CPSF3: variants seen among roughly 807,000 people sequenced by gnomAD.
The protein encoded by CPSF3 is cleavage and polyadenylation specific factor 3, also known as cleavage and polyadenylation specificity factor subunit 3.
In CPSF3, 57 loss-of-function variants were observed where a neutral mutation model predicts 84.1. The observed-to-expected ratio is 0.68, with a 90% CI of 0.55 to 0.85. The LOEUF is 0.85. CPSF3 is among the 40% of genes least tolerant of loss of function. The pLI is 0.00. For synonymous variants in CPSF3, 275 were observed against 278.1 expected, an observed-to-expected ratio of 0.99 and a Z score of 0.11; for missense variants, 522 against 838.8, an observed-to-expected ratio of 0.62 and a Z score of 4.66.
chr2:9,443,134 C>G (rs1200045600), intron 9 of CPSF3, among the ~76,000 whole-genome samples: 1 of 152,102 alleles, frequency 6.6e-6, no homozygotes, highest in African/African-American at 2.4e-5. Context: ...TGCATTTCAG[C>G]CTGGGTGACA....
intron 10 of CPSF3, among the ~76,000 whole-genome samples, chr2:9,446,865 G>T (rs1038323728): frequency 1.3e-5 from 2 of 152,224 alleles, no homozygotes; most frequent in Admixed American, 1.3e-4. Flanking sequence ...TCCATTTGGG[G>T]CTGAGCACAG....
At chr2:9,426,859 T>C (rs1456640496) in intron 1 of CPSF3, among the ~76,000 whole-genome samples, 3 of 123,038 alleles carry the variant, frequency 2.4e-5, no homozygotes, top group African/African-American at 6.8e-5. Context: ...CTGGGCAACA[T>C]AGGGGGACCT....
At chr2:9,429,031 G>A (rs1223381521) in intron 2 of CPSF3, among the ~76,000 whole-genome samples, 2 of 152,234 alleles carry the variant, frequency 1.3e-5, no homozygotes, top group African/African-American at 4.8e-5. Flanking sequence ...TTCTATGACT[G>A]TAAAATTGTC....
At chr2:9,429,901 T>C (rs201847903) in intron 2 of CPSF3, 22 bp from the exon 3 acceptor site, 3 of 1,485,684 alleles carry the variant, frequency 2.0e-6, no homozygotes, top group Non-Finnish European at 9.3e-7. Context: ...GAGATTGTGA[T>C]CTCTTTTCCT....
intron 1 of CPSF3, among the ~76,000 whole-genome samples, chr2:9,425,706 T>G (rs1217454864): frequency 6.6e-6 from 1 of 151,928 alleles, no homozygotes; most frequent in Non-Finnish European, 1.5e-5. Context: ...GGAGTAAATT[T>G]GGGAATTTGG....
At chr2:9,466,224 ACACACACACGTG>A (rs1558465985) in intron 15 of CPSF3, among the ~76,000 whole-genome samples, 6 of 147,250 alleles carry the variant, frequency 4.1e-5, no homozygotes, top group Admixed American at 6.8e-5. Flanking sequence ...ACACGCACGC[ACACACACACGTG>A]CGCGCACGCA....
Position 9,467,772 on chromosome 2 carries a change from C to G in CPSF3, c.1852C>G (p.Leu618Val). ...TTACAGCAAGAGGTTGGAGATCATG[C>G]TCCAGTAAGTTTTTCACCCATTATT... ...HVYSKRLEIMLQDIFGEDCVS... is the reference protein window; with the variant it reads ...HVYSKRLEIMVQDIFGEDCVS... The change falls in exon 16 of 18, where the codon CTC (leucine) becomes GTC (valine). Residue 618 changes from leucine to valine, a missense_variant. Around this residue, in one of 2 missense-constraint regions of CPSF3, gnomAD observed 193 missense variants for 231.6 expected, o/e 0.83. Transcript: ENST00000238112. 6.2e-7 allele frequency: 1 copy of G among 1,611,494 alleles called. No individual in the cohort carries two copies.
At chr2:9,466,016 C>T (rs951466522) in intron 15 of CPSF3, among the ~76,000 whole-genome samples, 2 of 152,118 alleles carry the variant, frequency 1.3e-5, no homozygotes, top group African/African-American at 4.8e-5. Context: ...CAGAGTTGTA[C>T]AACCATCACC....
intron 16 of CPSF3, 122 bp from the exon 17 acceptor site, chr2:9,471,221 A>T: frequency 1.6e-6 from 1 of 614,424 alleles, no homozygotes; most frequent in Non-Finnish European, 2.9e-6. Context: ...CTCAAAAAAA[A>T]AAAGAAAAAA....
chr2:9,463,082 C>T (rs1024668042), intron 15 of CPSF3, among the ~76,000 whole-genome samples: 1 of 152,222 alleles, frequency 6.6e-6, no homozygotes, highest in Non-Finnish European at 1.5e-5. Context: ...ACAAAGCAAA[C>T]AGATCTGCCC....
At position 9,455,701 on chromosome 2, in the gene CPSF3, C is replaced by T. The variant is rs1272921681; in HGVS notation, c.1547C>T (p.Ala516Val). 19 of 1,613,966 alleles carry T rather than the reference C, an allele frequency of 1.2e-5. No individual in the cohort carries two copies. The highest frequency in any genetic ancestry group is 1.4e-5 in the Non-Finnish European group (17 of 1,179,976). ...ATGAGCACGGTGAAGCAGACCCAAG[C>T]CATTCCATATACTGGTCCCTTTAAT... ...LAMSTVKQTQ[A>V]IPYTGPFNLL... Residue 516 changes from alanine to valine, a missense_variant, in exon 13 of 18, where the codon GCC becomes GTC. Transcript: ENST00000238112.
Position 9,467,895 on chromosome 2 carries a change from T to C in CPSF3, c.1856+119T>C. ...GGCTCTGGCCAGGCCACTGCCATGC[T>C]CGGAGGCCTGCTTCTCTGTTAGGAA... On this transcript the variant is annotated intron_variant, in intron 16 of 17. Coordinates refer to ENST00000238112, the MANE Select transcript of CPSF3 (RefSeq NM_016207.4). 6.8e-6 allele frequency: 5 copies of C among 730,368 alleles called. 1 individual carries two copies. In the South Asian group the frequency reaches 8.4e-5, roughly 12 times the overall value. 45.2% of individuals were successfully genotyped at this position (730,368 alleles called of 1,614,324 possible). A position where few individuals can be genotyped will look rare whatever the true frequency, so the allele number is the denominator to read the frequency against.
chr2:9,453,096 C>T (rs1681395065), intron 12 of CPSF3, 75 bp downstream of exon 12: 1 of 887,272 alleles, frequency 1.1e-6, no homozygotes, highest in Non-Finnish European at 1.7e-6. Context: ...TTCTCTTCAC[C>T]TTGTGGCCTA....
Position 9,440,614 on chromosome 2 carries a change from A to G in CPSF3, c.884A>G (p.Lys295Arg). The G allele has an allele frequency of 6.2e-7, 1 of 1,614,224 alleles. No individual in the cohort carries two copies. Among genetic ancestry groups the G allele is most frequent in the Non-Finnish European group, 8.5e-7 (1 of 1,180,038 alleles). Residue 295 changes from lysine (K) to arginine (R), a missense_variant, in exon 8 of 18, where the codon AAA (lysine) becomes AGA (arginine). Lys to Arg is a conservative substitution (Grantham distance 26). Transcript: ENST00000238112. ...AATGCCATGAATGACAAAATCCGCA[A>G]ACAGATCAACATCAATAATCCCTTT... is the stretch of plus-strand genomic sequence containing the variant. ...YVNAMNDKIRKQININNPFVF... is the reference protein window; with the variant it reads ...YVNAMNDKIRRQININNPFVF...
intron 8 of CPSF3, chr2:9,441,599 G>A (rs751235121): frequency 3.3e-5 from 17 of 516,758 alleles, no homozygotes; most frequent in Non-Finnish European, 3.8e-5. Context: ...TTTGAAGATC[G>A]GGGTGAACTT....
At chr2:9,471,867 A>C (rs1265751921) in intron 17 of CPSF3, among the ~76,000 whole-genome samples, 1 of 151,854 alleles carries the variant, frequency 6.6e-6, no homozygotes, top group East Asian at 1.9e-4. Flanking sequence ...TTAGCCGGGA[A>C]TGGCGGCAGC....
chr2:9,446,352 G>A (rs1201044395), intron 10 of CPSF3, among the ~76,000 whole-genome samples: 2 of 152,106 alleles, frequency 1.3e-5, no homozygotes, highest in South Asian at 2.1e-4. Flanking sequence ...AGGCCAAGGC[G>A]AGCAGATCAC....
chr2:9,437,791 A>G (rs1680836643), intron 7 of CPSF3, among the ~76,000 whole-genome samples: 1 of 152,238 alleles, frequency 6.6e-6, no homozygotes, highest in Non-Finnish European at 1.5e-5. Flanking sequence ...ACTTGAGCCC[A>G]GGAATTTAAG....
At chr2:9,464,803 G>A (rs1681846668) in intron 15 of CPSF3, among the ~76,000 whole-genome samples, 3 of 151,960 alleles carry the variant, frequency 2.0e-5, no homozygotes, top group Non-Finnish European at 4.4e-5. Context: ...TGTGGCCTAG[G>A]CTAGTCTCAA....
Sources: allele counts gnomAD v4.1 joint callset (sites outside exome capture counted in the v4.1 genomes callset), GRCh38; gene constraint gnomAD v4.1.1; regional missense constraint gnomAD v4.1.1; transcripts MANE v1.5; gene names NCBI Gene and HGNC (gene_info 2026-07-23, HGNC 2026-07-21).